TTC5: variants seen among roughly 807,000 people sequenced by gnomAD.
The protein encoded by TTC5 is tetratricopeptide repeat domain 5.
TTC5 carries 46 observed loss-of-function variants against 57.4 expected under a neutral mutation model. The observed-to-expected ratio is 0.80, with a 90% CI of 0.63 to 1.03. The LOEUF (loss-of-function observed/expected upper bound fraction) is 1.03. TTC5 is among the 50% of genes least tolerant of loss of function. The probability of loss-of-function intolerance (pLI) is 0.00; values close to 1 mark genes in which losing one functional copy is unlikely to be tolerated. For synonymous variants in TTC5, 190 were observed against 203.5 expected (o/e 0.93, Z 0.57); for missense variants, 504 against 528.1 (o/e 0.95, Z 0.45).
Position 20,292,113 on chromosome 14 carries a change from AC to A in TTC5, c.1072del (p.Val358Ter). ...TGCATAGCAAGGTCCATCTGAATCTACCAGGCCAAATGTACTACCAAGTAAA... is the reference window on the plus strand; with the variant it reads ...TGCATAGCAAGGTCCATCTGAATCTACAGGCCAAATGTACTACCAAGTAAA... ...EEKVPFTFGL[V>X]DSDGPCYAVM... On this transcript the variant is annotated frameshift_variant, in exon 9 of 10. Coordinates refer to ENST00000258821, the MANE Select transcript of TTC5 (RefSeq NM_138376.3). LOFTEE classifies it high-confidence loss of function. The A allele has an allele frequency of 6.4e-7, 1 of 1,573,944 alleles. No homozygotes were observed. The highest frequency in any genetic ancestry group is 8.6e-7 in the Non-Finnish European group (1 of 1,159,678).
At chr14:20,293,874 T>C (rs773157272) in intron 8 of TTC5, 1 of 152,206 alleles carries the variant, frequency 6.6e-6, no homozygotes, top group Non-Finnish European at 1.5e-5. Context: ...AATACTGAAA[T>C]ACTGAGTTAG....
rs1881867865 is a variant in TTC5 at position 20,287,752 on chromosome 14, T to G, written c.*1875A>C. 1 of 152,200 alleles carries G rather than the reference T, an allele frequency of 6.6e-6. No homozygotes were observed. The allele number at this position is 152,200 out of a possible 1,614,324, so 9.4% of individuals were successfully genotyped here. A position where few individuals can be genotyped will look rare whatever the true frequency, so the allele number is the denominator to read the frequency against. ...AATTTGAGTAAAAGGGGAACAGTATTTGGGTCCCACATCTCTACTGCCTCA... is the reference window on the plus strand; with the variant it reads ...AATTTGAGTAAAAGGGGAACAGTATGTGGGTCCCACATCTCTACTGCCTCA... On this transcript the variant is annotated 3_prime_UTR_variant, in exon 10 of 10. Transcript: ENST00000258821.
chr14:20,305,863 A>G, intron 1 of TTC5, 24 bp downstream of exon 1: 2 of 1,612,602 alleles, frequency 1.2e-6, no homozygotes, highest in Non-Finnish European at 1.7e-6. Context: ...AAAAACACAT[A>G]CAGAATTTAA....
At position 20,305,811 on chromosome 14, in the gene TTC5, G is replaced by C; in HGVS notation, c.51+76C>G. The C allele has an allele frequency of 2.2e-6, 3 of 1,386,452 alleles. No homozygotes were observed. In the South Asian group the frequency reaches 3.5e-5, roughly 16 times the overall value. The allele number at this position is 1,386,452 out of a possible 1,614,324, so 85.9% of individuals were successfully genotyped here. ...TTCGCGTGTGTGCCGAGGAATTCAC[G>C]GGCAGTACATAAACTGGACTCCCTG... On this transcript the variant is annotated intron_variant, in intron 1 of 9. Transcript: ENST00000258821.
At chr14:20,303,426 C>CA (rs1405868812) in intron 1 of TTC5, among the ~76,000 whole-genome samples, 1 of 152,140 alleles carries the variant, frequency 6.6e-6, no homozygotes, top group Non-Finnish European at 1.5e-5. Flanking sequence ...TTTCAGATAA[C>CA]AGATATCCTA....
At chr14:20,289,916 C>T (rs1364942054) in intron 9 of TTC5, among the ~76,000 whole-genome samples, 170 bp from the exon 10 acceptor site, 2 of 152,126 alleles carry the variant, frequency 1.3e-5, no homozygotes, top group African/African-American at 4.8e-5. Flanking sequence ...GAAAATTTCC[C>T]AAAGTTTTCA....
intron 6 of TTC5, 45 bp from the exon 7 acceptor site, chr14:20,295,899 T>C (rs1402060711): frequency 2.7e-6 from 4 of 1,503,850 alleles, no homozygotes; most frequent in Non-Finnish European, 2.7e-6. Context: ...CCAGACAAAC[T>C]ATCCCGAGGG....
Position 20,299,559 on chromosome 14 carries a change from T to C in TTC5, c.397-111A>G, listed in dbSNP as rs190740978. Reference sequence around the variant, plus strand: ...ATTTTTTACCTTTCTAAGTTTTTTGTTTTGTTTTGTTTGAGGTGGAGTCTT... The same window carrying C: ...ATTTTTTACCTTTCTAAGTTTTTTGCTTTGTTTTGTTTGAGGTGGAGTCTT... On this transcript the variant is annotated intron_variant, in intron 3 of 9. Transcript: ENST00000258821. The C allele has an allele frequency of 1.3e-4, 162 of 1,276,334 alleles. No individual in the cohort carries two copies. In the East Asian group the frequency reaches 3.4e-3, roughly 27 times the overall value. 79.1% of individuals were successfully genotyped at this position (1,276,334 alleles called of 1,614,324 possible).
In TTC5 at chr14:20,286,998, A is replaced by C. The variant is rs1459789860; in HGVS notation, c.*2629T>G. On this transcript the variant is annotated 3_prime_UTR_variant, in exon 10 of 10. Transcript: ENST00000258821. ...ATACCTAAAAGATAATACCAAGCAC[A>C]GAAGAGGATGGGGAGCATTGGGGTG... 1 of 152,250 alleles carries C rather than the reference A, an allele frequency of 6.6e-6. No homozygotes were observed. Among genetic ancestry groups the C allele is most frequent in the Non-Finnish European group, 1.5e-5 (1 of 68,040 alleles). 9.4% of individuals were successfully genotyped at this position (152,250 alleles called of 1,614,324 possible).
At chr14:20,300,472 A>T (rs1594266296) in intron 3 of TTC5, 135 bp downstream of exon 3, 1 of 700,628 alleles carries the variant, frequency 1.4e-6, no homozygotes, top group South Asian at 1.9e-5. Flanking sequence ...CTGCTCTCTG[A>T]CCTTTCCTCC....
chr14:20,301,890 G>C lies in TTC5; in HGVS notation c.127C>G (p.Gln43Glu), dbSNP rs1330088265. The change falls in exon 2 of 10, where the codon CAA (glutamine) becomes GAA (glutamate). Residue 43 changes from glutamine to glutamate, a missense_variant. Physicochemically the swap from Gln to Glu is conservative, Grantham distance 29 (BLOSUM62 2). Coordinates refer to ENST00000258821, the MANE Select transcript of TTC5 (RefSeq NM_138376.3). ...THSVEDAGRK[Q>E]QDVQKEMEKT... ...TCCATCTCCTTCTGCACATCCTGTT[G>C]CTTCCTCCCAGCATCCTCAACACTA... 6.2e-7 allele frequency: 1 copy of C among 1,613,968 alleles called. No individual in the cohort carries two copies. The highest frequency in any genetic ancestry group is 8.5e-7 in the Non-Finnish European group (1 of 1,180,010).
intron 1 of TTC5, among the ~76,000 whole-genome samples, chr14:20,302,672 G>C (rs1054265021): frequency 6.6e-6 from 1 of 152,014 alleles, no homozygotes; most frequent in Non-Finnish European, 1.5e-5. Context: ...GTCACACCAG[G>C]CAAAGCTTTT....
Position 20,295,780 on chromosome 14 carries a change from C to A in TTC5, c.771G>T (p.Trp257Cys). Reference sequence around the variant, plus strand: ...GTTGCTCTCGTTGCCGGGGCTCTGGCCAGGCAGGGTCCAGGGCTGCAGCCC... The same window carrying A: ...GTTGCTCTCGTTGCCGGGGCTCTGGACAGGCAGGGTCCAGGGCTGCAGCCC... ...FSRAAALDPA[W>C]PEPRQREQQL... is the part of the protein sequence containing the mutation. Residue 257 changes from tryptophan (W) to cysteine (C), a missense_variant, in exon 7 of 10, where the codon TGG becomes TGT. Transcript: ENST00000258821. 1 of 1,613,996 alleles carries A rather than the reference C, an allele frequency of 6.2e-7. No individual in the cohort carries two copies. The highest frequency in any genetic ancestry group is 1.1e-5 in the South Asian group (1 of 91,038).
chr14:20,301,757 G>T (rs1430060691), intron 2 of TTC5, 76 bp downstream of exon 2: 1 of 1,577,668 alleles, frequency 6.3e-7, no homozygotes, highest in Non-Finnish European at 8.7e-7. Flanking sequence ...GGATACCAAA[G>T]AGTCAATGAG....
chr14:20,299,992 C>A (rs908614791), intron 3 of TTC5, among the ~76,000 whole-genome samples: 1 of 150,144 alleles, frequency 6.7e-6, no homozygotes, highest in African/African-American at 2.5e-5. Flanking sequence ...GCACATACAA[C>A]CATGCCCATC....
chr14:20,304,178 G>A (rs1038036283), intron 1 of TTC5, among the ~76,000 whole-genome samples: 2 of 152,262 alleles, frequency 1.3e-5, no homozygotes, highest in South Asian at 2.1e-4. Flanking sequence ...GCACCAGAAC[G>A]GGACTTGGGA....
intron 5 of TTC5, 121 bp from the exon 6 acceptor site, chr14:20,296,567 A>G: frequency 1.3e-6 from 1 of 799,960 alleles, no homozygotes; most frequent in Middle Eastern, 2.7e-4. Flanking sequence ...CCAAAATGGT[A>G]TTTATACCAC....
At chr14:20,295,653 C>A in intron 7 of TTC5, 55 bp downstream of exon 7, 2 of 1,558,970 alleles carry the variant, frequency 1.3e-6, no homozygotes, top group South Asian at 2.5e-5. Flanking sequence ...ATTTTATTGA[C>A]CCACGACAAA....
At chr14:20,293,051 T>C (rs1374204450) in intron 8 of TTC5, 4 of 152,222 alleles carry the variant, frequency 2.6e-5, no homozygotes, top group Non-Finnish European at 2.9e-5. Flanking sequence ...GTACATTTCA[T>C]TGTATGTAAA....
Sources: allele counts gnomAD v4.1 joint callset (sites outside exome capture counted in the v4.1 genomes callset), GRCh38; gene constraint gnomAD v4.1.1; transcripts MANE v1.5; gene names NCBI Gene and HGNC (gene_info 2026-07-23, HGNC 2026-07-21).